RGS4: variants seen among roughly 807,000 people sequenced by gnomAD.
The protein encoded by RGS4 is regulator of G protein signaling 4, also known as schizophrenia disorder 9.
In RGS4, 15 loss-of-function variants were observed where a neutral mutation model predicts 21.6. The ratio of observed to expected loss-of-function variants is 0.69; its 90% CI spans 0.46 to 1.07. RGS4 has a LOEUF of 1.07. Among genes scored for constraint, RGS4 ranks in the 50% least tolerant of loss-of-function variants. The pLI is 0.00. For missense variants in RGS4, 237 were observed against 239.0 expected, an observed-to-expected ratio of 0.99 and a Z score of 0.06; for synonymous variants, 94 against 85.5, an observed-to-expected ratio of 1.10 and a Z score of -0.55.
chr1:163,069,157 AT>A (rs1571157908), upstream of RGS4: 9 of 1,495,982 alleles, frequency 6.0e-6, no homozygotes, highest in South Asian at 1.4e-5. Context: ...CATTGAGTAC[AT>A]TTTTTCCCAT....
At chr1:163,069,573 A>T (rs766936548) in intron 1 of RGS4, 45 bp downstream of exon 1, 2 of 1,510,050 alleles carry the variant, frequency 1.3e-6, no homozygotes, top group South Asian at 2.3e-5. Context: ...TTTTGGCTAG[A>T]CTTTCTCAGT....
At chr1:163,070,876 C>T (rs1433433471) in intron 1 of RGS4, among the ~76,000 whole-genome samples, 1 of 152,138 alleles carries the variant, frequency 6.6e-6, no homozygotes, top group Non-Finnish European at 1.5e-5. Flanking sequence ...AACATCTTTA[C>T]CACCAGTGCC....
chr1:163,069,551 A>T lies in RGS4; in HGVS notation c.44+23A>T, dbSNP rs760398732. The T allele has an allele frequency of 1.1e-5, 18 of 1,589,890 alleles. No individual in the cohort carries two copies. In the African/African-American group the frequency reaches 2.0e-4, roughly 18 times the overall value. On this transcript the variant is annotated intron_variant, in intron 1 of 4. Coordinates refer to ENST00000367909, the MANE Select transcript of RGS4 (RefSeq NM_005613.6). ...GAGGTAAGATTGCTTTCAGCCATTA[A>T]CCATATTAAACTTTTGGCTAGACTT...
chr1:163,075,850 T>A lies in RGS4; in HGVS notation c.*1290T>A, dbSNP rs1655478404. Reference sequence around the variant, plus strand: ...CACAATTTGAAAAGCCCACATAAGTTTTCTCTTTTAAGGTAGAATCTTGTT... The same window carrying A: ...CACAATTTGAAAAGCCCACATAAGTATTCTCTTTTAAGGTAGAATCTTGTT... On this transcript the variant is annotated 3_prime_UTR_variant, in exon 5 of 5. Coordinates refer to ENST00000367909, the MANE Select transcript of RGS4 (RefSeq NM_005613.6). The A allele has an allele frequency of 6.6e-6, 1 of 152,574 alleles. No individual in the cohort carries two copies. The highest frequency in any genetic ancestry group is 2.1e-4 in the South Asian group (1 of 4,828). 9.5% of individuals were successfully genotyped at this position (152,574 alleles called of 1,614,324 possible).
At chr1:163,069,222 C>G (rs888545666), upstream of RGS4, 3 of 1,534,486 alleles carry the variant, frequency 2.0e-6, no homozygotes. Context: ...ATTGCTGATG[C>G]GTCAGTCTTT....
intron 1 of RGS4, chr1:163,072,127 CT>C: frequency 4.3e-6 from 5 of 1,154,706 alleles, no homozygotes; most frequent in Non-Finnish European, 5.3e-6. Flanking sequence ...CATATAAAGG[CT>C]TCTCAGGTTT....
Position 163,074,515 on chromosome 1 carries a change from CAA to C in RGS4, c.574_575del (p.Lys192GlufsTer18). ...GTGGGGCAGAAAAGCAGAAAGGAGC[CAA>C]GAGTTCAGCAGACTGTGCTTCCCTG... is the stretch of plus-strand genomic sequence containing the variant. Reference protein sequence around the residue: ...SCGAEKQKGAKSSADCASLVP... With the variant: ...SCGAEKQKGAXSSADCASLVP... On this transcript the variant is annotated frameshift_variant, in exon 5 of 5. Coordinates refer to ENST00000367909, the MANE Select transcript of RGS4 (RefSeq NM_005613.6). LOFTEE classifies it high-confidence loss of function. The C allele has an allele frequency of 1.2e-6, 2 of 1,613,912 alleles. No homozygotes were observed. Among genetic ancestry groups the C allele is most frequent in the Non-Finnish European group, 1.7e-6 (2 of 1,179,886 alleles).
At chr1:163,072,337 G>A in intron 1 of RGS4, 58 bp from the exon 2 acceptor site, 1 of 1,297,402 alleles carries the variant, frequency 7.7e-7, no homozygotes, top group Non-Finnish European at 1.1e-6. Context: ...CTACCATTAG[G>A]TATCTTTTAA....
rs1264053339 is a variant in RGS4, at chr1:163,076,474, T to G, written c.*1914T>G. The G allele has an allele frequency of 1.3e-5, 2 of 152,590 alleles. No individual in the cohort carries two copies. Among genetic ancestry groups the G allele is most frequent in the Non-Finnish European group, 2.9e-5 (2 of 68,030 alleles). 9.5% of individuals were successfully genotyped at this position (152,590 alleles called of 1,614,324 possible). A position where few individuals can be genotyped will look rare whatever the true frequency, so the allele number is the denominator to read the frequency against. ...GTTGACTTCAAATGTGTAACTTTAT[T>G]GGTCTTGCCCTATTATAATTGTCAT... On this transcript the variant is annotated 3_prime_UTR_variant, in exon 5 of 5. Transcript: ENST00000367909.
At chr1:163,073,928 T>G (rs1264498974) in intron 4 of RGS4, 1 of 364,350 alleles carries the variant, frequency 2.7e-6, no homozygotes, top group Non-Finnish European at 4.9e-6. Flanking sequence ...AGGTAAGCTT[T>G]TATGGCAGAG....
In RGS4 at chr1:163,074,242, A is replaced by G. The variant is rs186171883; in HGVS notation, c.379-79A>G. On this transcript the variant is annotated intron_variant, in intron 4 of 4. Coordinates refer to ENST00000367909, the MANE Select transcript of RGS4 (RefSeq NM_005613.6). ...AAATACAGAGGGTGCACTGCCACTTACAAGTCACTACAAAGCATACAGGCT... is the reference window on the plus strand; with the variant it reads ...AAATACAGAGGGTGCACTGCCACTTGCAAGTCACTACAAAGCATACAGGCT... 46 of 1,576,132 alleles carry G rather than the reference A, an allele frequency of 2.9e-5. 1 individual carries two copies. Among genetic ancestry groups the G allele is most frequent in the East Asian group, 4.5e-5 (2 of 44,498 alleles).
chr1:163,072,583 C>T, intron 2 of RGS4, 84 bp downstream of exon 2: 1 of 1,059,754 alleles, frequency 9.4e-7, no homozygotes, highest in Non-Finnish European at 1.4e-6. Flanking sequence ...ACTTGTGCTC[C>T]TAGTTAAGCC....
At chr1:163,069,340 G>C, upstream of RGS4, 7 of 1,552,946 alleles carry the variant, frequency 4.5e-6, no homozygotes, top group Non-Finnish European at 6.1e-6. Context: ...CTATAAAAGA[G>C]ACCCCTACAG....
At chr1:163,068,957 T>C (rs1655209859), upstream of RGS4, 1 of 1,607,602 alleles carries the variant, frequency 6.2e-7, no homozygotes, top group South Asian at 1.1e-5. Flanking sequence ...ATGCTTCTAA[T>C]CCAAAAGAGG....
At chr1:163,069,293 G>A (rs1195300110), upstream of RGS4, 2 of 1,551,288 alleles carry the variant, frequency 1.3e-6, no homozygotes, top group South Asian at 2.4e-5. Context: ...TGGTACTGCA[G>A]AGCGGTCGTC....
At chr1:163,069,665 T>A in intron 1 of RGS4, 137 bp downstream of exon 1, 1 of 706,312 alleles carries the variant, frequency 1.4e-6, no homozygotes, top group South Asian at 1.9e-5. Context: ...CTAACTTTCC[T>A]CCAAGACTAG....
At chr1:163,069,317 G>C (rs370032435), upstream of RGS4, 7 of 1,551,404 alleles carry the variant, frequency 4.5e-6, no homozygotes, top group East Asian at 2.4e-5. Flanking sequence ...TTGGCTGGAC[G>C]GTCGTAGCTG....
intron 1 of RGS4, chr1:163,070,490 TA>T: frequency 6.6e-6 from 1 of 152,302 alleles, no homozygotes; most frequent in African/African-American, 2.4e-5. Flanking sequence ...TATGTACTAT[TA>T]AAACATTTAC....
intron 1 of RGS4, 112 bp downstream of exon 1, chr1:163,069,640 G>A: frequency 1.2e-6 from 1 of 857,400 alleles, no homozygotes; most frequent in South Asian, 1.7e-5. Context: ...AGTGTGGTCA[G>A]GAGAGCACGA....
Sources: allele counts gnomAD v4.1 joint callset (sites outside exome capture counted in the v4.1 genomes callset), GRCh38; gene constraint gnomAD v4.1.1; transcripts MANE v1.5; gene names NCBI Gene and HGNC (gene_info 2026-07-23, HGNC 2026-07-21).